The following FGF14 variants were observed in gnomAD, a reference collection of about 807,000 sequenced individuals.
The protein encoded by FGF14 is fibroblast growth factor 14.
Under a neutral mutation model 25.5 loss-of-function variants are expected in FGF14, and 5 were observed. The observed-to-expected ratio is 0.20, with a 90% confidence interval of 0.10 to 0.41. FGF14 has a LOEUF of 0.41. FGF14 is among the 10% of genes least tolerant of loss of function. The pLI, the probability that FGF14 is intolerant of heterozygous loss-of-function variation, is 1.00. For synonymous variants in FGF14, 138 were observed against 118.3 expected (o/e 1.17, Z -1.08); for missense variants, 222 against 320.1 (o/e 0.69, Z 2.34).
At chr13:101,828,291 A>C (rs190826668) in intron 3 of FGF14, among the ~76,000 whole-genome samples, 1 of 152,158 alleles carries the variant, frequency 6.6e-6, no homozygotes, top group African/African-American at 2.4e-5. Context: ...AGTCAAGCAA[A>C]GTGCAGGAAA....
intron 3 of FGF14, among the ~76,000 whole-genome samples, chr13:101,774,316 T>C (rs1419684520): frequency 1.3e-5 from 2 of 152,134 alleles, no homozygotes; most frequent in Non-Finnish European, 1.5e-5. Context: ...ATCTGTAATA[T>C]TAATAATTAG....
intron 3 of FGF14, among the ~76,000 whole-genome samples, chr13:101,848,156 C>G (rs2043562131): frequency 6.6e-6 from 1 of 151,748 alleles, no homozygotes; most frequent in African/African-American, 2.4e-5. Context: ...TTTTAAAAAT[C>G]AAGGAAATGA....
chr13:102,376,662 A>C (rs553764632), intron 1 of FGF14, among the ~76,000 whole-genome samples: 1 of 152,214 alleles, frequency 6.6e-6, no homozygotes, highest in Non-Finnish European at 1.5e-5. Flanking sequence ...ATAATTCTGT[A>C]ACATTCTAAA....
chr13:101,929,605 G>A lies in FGF14; in HGVS notation c.209-54309C>T, dbSNP rs138481294. Among the ~76,000 whole-genome samples the A allele has an allele frequency of 1.9e-4, 29 of 152,260 alleles. No individual in the cohort carries two copies. The East Asian group carries it at 5.2e-3, about 27-fold the overall frequency. ...CACTCAATTACCTGGGCGTTGTCAC[G>A]TCATCTGACTATTTTCATGCTGACC... On this transcript the variant is annotated intron_variant, in intron 1 of 4. Coordinates refer to the FGF14 transcript ENST00000376131.
upstream of FGF14, among the ~76,000 whole-genome samples, chr13:101,919,103 G>T (rs1162840815): frequency 1.3e-5 from 2 of 152,128 alleles, no homozygotes; most frequent in Non-Finnish European, 2.9e-5. Context: ...AAAAGGGAAA[G>T]ATGTCTATAG....
At chr13:101,737,992 T>C (rs2036297978) in intron 3 of FGF14, among the ~76,000 whole-genome samples, 1 of 152,108 alleles carries the variant, frequency 6.6e-6, no homozygotes, top group Non-Finnish European at 1.5e-5. Flanking sequence ...ATGGAGGAAA[T>C]ATAAGCAGGT....
intron 1 of FGF14, among the ~76,000 whole-genome samples, chr13:102,378,872 AAC>A (rs951850665): frequency 6.0e-4 from 92 of 152,144 alleles, no homozygotes; most frequent in Non-Finnish European, 1.1e-3. Flanking sequence ...AGACAATGAA[AAC>A]ACAGAGGCAT....
chr13:101,870,038 T>C (rs2044963337), intron 2 of FGF14, among the ~76,000 whole-genome samples: 1 of 152,196 alleles, frequency 6.6e-6, no homozygotes, highest in Non-Finnish European at 1.5e-5. Flanking sequence ...GCCATGAATA[T>C]TATCCCTGGA....
chr13:102,249,503 TGA>T (rs2141062965), intron 1 of FGF14, among the ~76,000 whole-genome samples: 1 of 152,168 alleles, frequency 6.6e-6, no homozygotes, highest in South Asian at 2.1e-4. Context: ...AGACTGTGTG[TGA>T]GAGTGACCAA....
chr13:102,238,090 T>C (rs1034298972), intron 1 of FGF14, among the ~76,000 whole-genome samples: 1 of 152,180 alleles, frequency 6.6e-6, no homozygotes, highest in Non-Finnish European at 1.5e-5. Context: ...TGAATTTGTG[T>C]CTTAATTGAA....
chr13:101,935,676 C>A (rs2035054172), intron 1 of FGF14, among the ~76,000 whole-genome samples: 2 of 152,270 alleles, frequency 1.3e-5, no homozygotes, highest in South Asian at 4.1e-4. Flanking sequence ...GTCAATTAAA[C>A]CTCTTTCCTT....
intron 1 of FGF14, among the ~76,000 whole-genome samples, chr13:102,103,733 C>T (rs144817677): frequency 1.7e-3 from 255 of 152,262 alleles, no homozygotes; most frequent in African/African-American, 5.8e-3. Flanking sequence ...GGTCCTTTAC[C>T]TGAGCAGGTT....
chr13:102,050,007 A>G (rs1053677440), intron 1 of FGF14, among the ~76,000 whole-genome samples: 15 of 152,224 alleles, frequency 9.9e-5, no homozygotes, highest in African/African-American at 2.4e-5. Flanking sequence ...ACACTTTGTT[A>G]TGACAGCCCT....
At chr13:102,096,012 T>C (rs2044381349) in intron 1 of FGF14, among the ~76,000 whole-genome samples, 1 of 149,780 alleles carries the variant, frequency 6.7e-6, no homozygotes, top group Admixed American at 6.7e-5. Context: ...TATATATATA[T>C]ATATAATATA....
intron 1 of FGF14, among the ~76,000 whole-genome samples, chr13:101,900,978 T>C (rs562344809): frequency 7.2e-4 from 110 of 152,312 alleles, no homozygotes; most frequent in Non-Finnish European, 1.1e-3. Context: ...AGGAATTTTG[T>C]GTATCTTCAA....
upstream of FGF14, among the ~76,000 whole-genome samples, chr13:101,919,641 C>T (rs988637070): frequency 6.6e-6 from 1 of 151,796 alleles, no homozygotes; most frequent in Admixed American, 6.6e-5. Context: ...ACAGGGATCC[C>T]GCCCCAGCCC....
intron 3 of FGF14, among the ~76,000 whole-genome samples, chr13:101,827,438 T>A (rs2042442099): frequency 6.6e-6 from 1 of 151,942 alleles, no homozygotes; most frequent in African/African-American, 2.4e-5. Flanking sequence ...TTTTTATATT[T>A]GTATTTTAAA....
intron 1 of FGF14, among the ~76,000 whole-genome samples, chr13:102,161,570 A>AAAGAAGAAGAAGAAGAAAGAAGAAGAAG (rs1555369389): frequency 8.8e-4 from 5 of 5,652 alleles, no homozygotes; most frequent in Non-Finnish European, 4.8e-4. Context: ...TTCTGTGAAG[A>AAAGAAGAAGAAGAAGAAAGAAGAAGAAG]AAGAAAGAAG....
chr13:101,988,150 T>C (rs920641772), intron 1 of FGF14, among the ~76,000 whole-genome samples: 4 of 152,178 alleles, frequency 2.6e-5, no homozygotes, highest in East Asian at 1.9e-4. Flanking sequence ...GGGTCTTAGA[T>C]AGTTGTAGCA....
Sources: allele counts gnomAD v4.1 joint callset (sites outside exome capture counted in the v4.1 genomes callset), GRCh38; gene constraint gnomAD v4.1.1; transcripts MANE v1.5; gene names NCBI Gene and HGNC (gene_info 2026-07-23, HGNC 2026-07-21).